Variants in ABCA5 observed in about 807,000 individuals in gnomAD.
The protein encoded by ABCA5 is cholesterol transporter ABCA5.
A neutral mutation model predicts 206.0 loss-of-function variants in ABCA5; 163 were observed. The ratio of observed to expected loss-of-function variants is 0.79; its 90% CI spans 0.70 to 0.90. The LOEUF is 0.90. Among genes scored for constraint, ABCA5 ranks in the 40% least tolerant of loss-of-function variants. The probability of loss-of-function intolerance (pLI) is 0.00; values close to 1 mark genes in which losing one functional copy is unlikely to be tolerated. For missense variants in ABCA5, 1,859 were observed against 1,912.9 expected, an observed-to-expected ratio of 0.97 and a Z score of 0.53; for synonymous variants, 609 against 613.8, an observed-to-expected ratio of 0.99 and a Z score of 0.11.
chr17:69,273,855 C>G (rs2075301340), intron 20 of ABCA5, 104 bp downstream of exon 20: 4 of 1,086,746 alleles, frequency 3.7e-6, no homozygotes, highest in Non-Finnish European at 5.2e-6. Flanking sequence ...TGCAGACAGA[C>G]CATGCCTTTA....
chr17:69,266,573 T>C (rs527532380), intron 23 of ABCA5, among the ~76,000 whole-genome samples: 1 of 119,490 alleles, frequency 8.4e-6, no homozygotes, highest in African/African-American at 2.7e-5. Flanking sequence ...ATAATAAAAA[T>C]ATATATATAT....
In ABCA5 at chr17:69,309,579, A is replaced by G. The variant is rs145780549; in HGVS notation, c.308-156T>C. 3.3e-3 allele frequency among the ~76,000 whole-genome samples: 499 copies of G among 152,302 alleles called. 2 individuals are homozygous for G. Among genetic ancestry groups the G allele is most frequent in the Middle Eastern group, 0.02 (6 of 294 alleles). On this transcript the variant is annotated intron_variant, in intron 3 of 38. Transcript: ENST00000392676. ...GAAAACAGTCCAAGCACAGTGGCTC[A>G]CACCTGTAATCCCAACATTTTGGAA...
intron 2 of ABCA5, 58 bp from the exon 3 acceptor site, chr17:69,313,354 A>C: frequency 1.2e-6 from 1 of 809,394 alleles, no homozygotes; most frequent in East Asian, 2.8e-5. Flanking sequence ...AAAATCATCA[A>C]GATTTCTTGG....
chr17:69,274,898 C>T (rs2144945445), intron 19 of ABCA5, among the ~76,000 whole-genome samples: 1 of 124,858 alleles, frequency 8.0e-6, no homozygotes, highest in African/African-American at 3.0e-5. Flanking sequence ...GGCTGGAGTG[C>T]AGTGGTGTGA....
In ABCA5 at chr17:69,254,328, C is replaced by A; in HGVS notation, c.4231G>T (p.Glu1411Ter). ...CAATTATTTTACCGACTTATGACTT[C>A]TTTCATGTCACTTGCACTCATTCCT... is the stretch of plus-strand genomic sequence containing the variant. ...VKGMSASDMK[E>*]VISRITHALD... Residue 1411 changes from glutamate to a stop codon, truncating the protein, a stop_gained, in exon 32 of 39, where the codon GAA (glutamate) becomes TAA (stop). Coordinates refer to ENST00000392676, the MANE Select transcript of ABCA5 (RefSeq NM_172232.4). LOFTEE classifies it high-confidence loss of function. 1.2e-6 allele frequency: 2 copies of A among 1,606,148 alleles called. No individual in the cohort carries two copies. The highest frequency in any genetic ancestry group is 1.7e-6 in the Non-Finnish European group (2 of 1,176,218).
Position 69,301,438 on chromosome 17 carries a change from T to C in ABCA5, c.1120-152A>G, listed in dbSNP as rs1598194358. 4 of 503,778 alleles carry C rather than the reference T, an allele frequency of 7.9e-6. No homozygotes were observed. The East Asian group carries it at 1.4e-4, about 18-fold the overall frequency. The allele number at this position is 503,778 out of a possible 1,614,324, so 31.2% of individuals were successfully genotyped here. A position where few individuals can be genotyped will look rare whatever the true frequency, so the allele number is the denominator to read the frequency against. On this transcript the variant is annotated intron_variant, in intron 8 of 38. Coordinates refer to ENST00000392676, the MANE Select transcript of ABCA5 (RefSeq NM_172232.4). Reference sequence around the variant, plus strand: ...CACTTGACCAAATTAATAATATAAATTTATAAGGAAAACAATAAAGACTTT... The same window carrying C: ...CACTTGACCAAATTAATAATATAAACTTATAAGGAAAACAATAAAGACTTT...
intron 21 of ABCA5, among the ~76,000 whole-genome samples, 183 bp from the exon 22 acceptor site, chr17:69,270,933 T>C (rs896313413): frequency 6.6e-6 from 1 of 150,918 alleles, no homozygotes; most frequent in African/African-American, 2.4e-5. Flanking sequence ...GATATTTTAA[T>C]ATTTTAAACA....
Position 69,270,750 on chromosome 17 carries a change from C to A in ABCA5, c.2893G>T (p.Asp965Tyr). 1 of 1,526,018 alleles carries A rather than the reference C, an allele frequency of 6.6e-7. No homozygotes were observed. The highest frequency in any genetic ancestry group is 8.7e-7 in the Non-Finnish European group (1 of 1,143,308). The allele number at this position is 1,526,018 out of a possible 1,614,324, so 94.5% of individuals were successfully genotyped here. The change falls in exon 22 of 39, where the codon GAC becomes TAC. Residue 965 changes from aspartate to tyrosine, a missense_variant and splice_region_variant. Asp to Tyr is a radical substitution (Grantham distance 160). Transcript: ENST00000392676. ...TTGAAAACAGCTGCAAAAACATAGT[C>A]CTACAATTAAAAAAAAGACACTTAT... ...AALNVMHSEK[D>Y]YVFAAVFNST...
chr17:69,271,128 C>T (rs767048573), intron 21 of ABCA5, 34 bp downstream of exon 21: 50 of 1,589,690 alleles, frequency 3.1e-5, no homozygotes, highest in Middle Eastern at 1.7e-4. Context: ...TGCATAACTC[C>T]CAAATGGATA....
At chr17:69,296,756 C>T (rs575463653) in intron 10 of ABCA5, among the ~76,000 whole-genome samples, 15 of 152,186 alleles carry the variant, frequency 9.9e-5, no homozygotes, top group African/African-American at 2.9e-4. Context: ...CCTGAGGCTA[C>T]GAATTCGAGA....
intron 24 of ABCA5, among the ~76,000 whole-genome samples, chr17:69,263,611 T>C (rs1265736143): frequency 6.6e-6 from 1 of 152,036 alleles, no homozygotes; most frequent in Non-Finnish European, 1.5e-5. Flanking sequence ...ACCAATACCA[T>C]GCTGTTTTGG....
At position 69,309,355 on chromosome 17, in the gene ABCA5, A is replaced by C; in HGVS notation, c.376T>G (p.Phe126Val). The C allele has an allele frequency of 1.2e-6, 2 of 1,606,432 alleles. No homozygotes were observed. Among genetic ancestry groups the C allele is most frequent in the Non-Finnish European group, 1.7e-6 (2 of 1,177,750 alleles). Reference protein sequence around the residue: ...LTSSLSKPSNFVGVVFKDSMS... With the variant: ...LTSSLSKPSNVVGVVFKDSMS... ...GAGTCTTTGAAAACCACACCTACAA[A>C]GTTGCTCGGCTTAGAGAGACTGGAT... Residue 126 changes from phenylalanine (F) to valine (V), a missense_variant, in exon 4 of 39, where the codon TTT (phenylalanine) becomes GTT (valine). By Grantham distance (50) the Phe-to-Val change is conservative. Coordinates refer to ENST00000392676, the MANE Select transcript of ABCA5 (RefSeq NM_172232.4).
At chr17:69,260,441 C>A (rs116375056) in intron 26 of ABCA5, 29 bp from the exon 27 acceptor site, 25 of 1,352,068 alleles carry the variant, frequency 1.8e-5, no homozygotes, top group Non-Finnish European at 2.5e-5. Context: ...AAAATATATA[C>A]GCTGCAATAT....
intron 28 of ABCA5, among the ~76,000 whole-genome samples, chr17:69,259,212 A>T (rs1193468497): frequency 6.6e-6 from 1 of 152,078 alleles, no homozygotes; most frequent in Non-Finnish European, 1.5e-5. Context: ...ACTCATTAAG[A>T]TATATAAAAA....
At chr17:69,319,664 T>C (rs2075846849) in intron 1 of ABCA5, among the ~76,000 whole-genome samples, 1 of 152,234 alleles carries the variant, frequency 6.6e-6, no homozygotes, top group African/African-American at 2.4e-5. Context: ...AGTTTACACA[T>C]TCTTACTCTA....
rs897501458 is a variant in ABCA5 at position 69,253,814 on chromosome 17, G to A, written c.4300C>T (p.Pro1434Ser). The part of the protein sequence containing the change: ...EHLQKTVKKL[P>S]AGIKRKLCFA... Reference sequence around the variant, plus strand: ...AGTACCTTTCGTTTGATTCCTGCAGGTAGTTTCTTTACAGTCTTCTGAAGA... The same window carrying A: ...AGTACCTTTCGTTTGATTCCTGCAGATAGTTTCTTTACAGTCTTCTGAAGA... The change falls in exon 33 of 39, where the codon CCT (proline) becomes TCT (serine). Residue 1434 changes from proline (P) to serine (S), a missense_variant. Pro to Ser is a moderately conservative substitution (Grantham distance 74). Coordinates refer to ENST00000392676, the MANE Select transcript of ABCA5 (RefSeq NM_172232.4). 4.3e-6 allele frequency: 7 copies of A among 1,612,808 alleles called. 1 individual carries two copies. Among genetic ancestry groups the A allele is most frequent in the Non-Finnish European group, 3.4e-6 (4 of 1,179,462 alleles).
intron 34 of ABCA5, among the ~76,000 whole-genome samples, chr17:69,252,456 C>A (rs1295890523): frequency 6.6e-6 from 1 of 151,966 alleles, no homozygotes; most frequent in Non-Finnish European, 1.5e-5. Flanking sequence ...CATGTTATAA[C>A]CAAAACAGGC....
At position 69,245,264 on chromosome 17, in the gene ABCA5, C is replaced by CACTCA. The variant is rs2074937465; in HGVS notation, c.*2268_*2272dup. On this transcript the variant is annotated 3_prime_UTR_variant, in exon 39 of 39. Transcript: ENST00000392676. ...CTTGCCTTATTAGTCAGTAAACACTCACTCAGTAAAGCTCAGCTTTTACTT... is the reference window on the plus strand; with the variant it reads ...CTTGCCTTATTAGTCAGTAAACACTCACTCAACTCAGTAAAGCTCAGCTTTTACTT... The CACTCA allele has an allele frequency of 6.6e-6, 1 of 151,920 alleles. No homozygotes were observed. Among genetic ancestry groups the CACTCA allele is most frequent in the Admixed American group, 6.6e-5 (1 of 15,262 alleles). The allele number at this position is 151,920 out of a possible 1,614,324, so 9.4% of individuals were successfully genotyped here. A position where few individuals can be genotyped will look rare whatever the true frequency, so the allele number is the denominator to read the frequency against.
At chr17:69,297,712 T>G (rs1259516433) in intron 9 of ABCA5, among the ~76,000 whole-genome samples, 1 of 152,114 alleles carries the variant, frequency 6.6e-6, no homozygotes, top group Admixed American at 6.5e-5. Flanking sequence ...TGAGTACAAG[T>G]AGATAGCAAA....
Sources: allele counts gnomAD v4.1 joint callset (sites outside exome capture counted in the v4.1 genomes callset), GRCh38; gene constraint gnomAD v4.1.1; transcripts MANE v1.5; gene names NCBI Gene and HGNC (gene_info 2026-07-23, HGNC 2026-07-21).